Variants in NPHP3 observed in about 807,000 individuals in gnomAD.
NPHP3 encodes the protein nephrocystin 3.
Under a neutral mutation model 171.9 loss-of-function variants are expected in NPHP3, and 123 were observed. The observed-to-expected ratio is 0.72, with a 90% CI of 0.62 to 0.83. The LOEUF (loss-of-function observed/expected upper bound fraction) is 0.83, where lower values mean the gene tolerates loss of function less well. NPHP3 is among the 40% of genes least tolerant of loss of function. NPHP3 has a pLI of 0.00. For synonymous variants in NPHP3, 558 were observed against 579.2 expected (o/e 0.96, Z 0.52); for missense variants, 1,506 against 1,591.9 (o/e 0.95, Z 0.92).
chr3:132,697,080 C>CT (rs1294651798), intron 14 of NPHP3, among the ~76,000 whole-genome samples, 180 bp downstream of exon 14: 1 of 152,168 alleles, frequency 6.6e-6, no homozygotes, highest in Non-Finnish European at 1.5e-5. Context: ...AGACCAAAAT[C>CT]TTTTTATTGC....
chr3:132,695,167 T>A, intron 15 of NPHP3: 1 of 544,772 alleles, frequency 1.8e-6, no homozygotes, highest in Non-Finnish European at 3.3e-6. Flanking sequence ...TTTAATTCAG[T>A]GCAATAAACA....
In NPHP3 at chr3:132,699,394, T is replaced by TA. The variant is rs746059113; in HGVS notation, c.1943dup (p.Ile649AsnfsTer22). The TA allele has an allele frequency of 6.2e-7, 1 of 1,612,966 alleles. No individual in the cohort carries two copies. Among genetic ancestry groups the TA allele is most frequent in the Non-Finnish European group, 8.5e-7 (1 of 1,179,848 alleles). On this transcript the variant is annotated frameshift_variant, in exon 13 of 27. Coordinates refer to ENST00000337331, the MANE Select transcript of NPHP3 (RefSeq NM_153240.5). LOFTEE classifies it high-confidence loss of function. Reference sequence around the variant, plus strand: ...ATGTTTCTACATTCACAGAAACAATTACTCTTACATTCACTGGCAGTGGAT... The same window carrying TA: ...ATGTTTCTACATTCACAGAAACAATTAACTCTTACATTCACTGGCAGTGGAT...
At chr3:132,694,065 T>C (rs1939380136) in intron 16 of NPHP3, among the ~76,000 whole-genome samples, 1 of 152,028 alleles carries the variant, frequency 6.6e-6, no homozygotes, top group Admixed American at 6.5e-5. Context: ...CTACCAAAGC[T>C]TACTTTAAAG....
At position 132,681,580 on chromosome 3, in the gene NPHP3, AT is replaced by A; in HGVS notation, c.*329del. 3.2e-6 allele frequency: 1 copy of A among 311,524 alleles called. No homozygotes were observed. Among genetic ancestry groups the A allele is most frequent in the Non-Finnish European group, 6.2e-6 (1 of 161,332 alleles). The allele number at this position is 311,524 out of a possible 1,614,324, so 19.3% of individuals were successfully genotyped here. Reference sequence around the variant, plus strand: ...ACCATGCCTGGCCAAGATTCATGGAATTTTTGAACTCCTTGTCTTAACTACT... The same window carrying A: ...ACCATGCCTGGCCAAGATTCATGGAATTTTGAACTCCTTGTCTTAACTACT... On this transcript the variant is annotated 3_prime_UTR_variant, in exon 27 of 27. Coordinates refer to ENST00000337331, the MANE Select transcript of NPHP3 (RefSeq NM_153240.5).
At chr3:132,685,847 C>A (rs536750689) in intron 23 of NPHP3, 33 of 192,328 alleles carry the variant, frequency 1.7e-4, no homozygotes, top group Non-Finnish European at 3.3e-4. Flanking sequence ...GTCAGGAGAT[C>A]GAGACCATCC....
rs1313570922 is a variant in NPHP3, at chr3:132,722,359, G to A, written c.-4C>T. 9 of 1,576,224 alleles carry A rather than the reference G, an allele frequency of 5.7e-6. No homozygotes were observed. The highest frequency in any genetic ancestry group is 7.7e-6 in the Non-Finnish European group (9 of 1,170,726). ...CGAGCGACGAGGCGGTCCCCATGGC[G>A]TCCGTTGCCGCTACTACCTAGTGAG... On this transcript the variant is annotated 5_prime_UTR_variant, in exon 1 of 27. The change creates a new upstream start codon in the 5' untranslated region. Transcript: ENST00000337331.
chr3:132,700,070 T>G lies in NPHP3; in HGVS notation c.1744-9A>C. The G allele has an allele frequency of 6.2e-7, 1 of 1,613,972 alleles. No homozygotes were observed. The highest frequency in any genetic ancestry group is 1.1e-5 in the South Asian group (1 of 91,078). On this transcript the variant is annotated splice_polypyrimidine_tract_variant and intron_variant, in intron 11 of 26. Transcript: ENST00000337331. Reference sequence around the variant, plus strand: ...CAAGAGTGCTGCATCAACTACAAGATAAGAACACACACAAACTGAAGTAGT... The same window carrying G: ...CAAGAGTGCTGCATCAACTACAAGAGAAGAACACACACAAACTGAAGTAGT...
chr3:132,700,874 G>A (rs982484641), intron 10 of NPHP3, among the ~76,000 whole-genome samples: 1 of 151,600 alleles, frequency 6.6e-6, no homozygotes, highest in Non-Finnish European at 1.5e-5. Context: ...ATGAAAGAAA[G>A]AAAATATTTT....
Position 132,694,814 on chromosome 3 carries a change from T to C in NPHP3, c.2310+13A>G. The C allele has an allele frequency of 6.2e-7, 1 of 1,612,252 alleles. No individual in the cohort carries two copies. The highest frequency in any genetic ancestry group is 8.5e-7 in the Non-Finnish European group (1 of 1,179,754). On this transcript the variant is annotated intron_variant, in intron 16 of 26. Transcript: ENST00000337331. ...AAACTAACATTCCTTTTTATAAGTT[T>C]ATTACATTCTACCTGCTTCATTAGC...
At chr3:132,690,461 T>C in intron 19 of NPHP3, 67 bp downstream of exon 19, 4 of 1,481,160 alleles carry the variant, frequency 2.7e-6, no homozygotes, top group African/African-American at 2.8e-5. Flanking sequence ...ATACCATTTT[T>C]TCTTTGTTAA....
chr3:132,716,651 C>T, intron 4 of NPHP3, 106 bp downstream of exon 4: 2 of 1,274,740 alleles, frequency 1.6e-6, no homozygotes, highest in Non-Finnish European at 2.3e-6. Context: ...GCACTAGGAA[C>T]ACAAATTTCA....
Position 132,700,490 on chromosome 3 carries a change from C to A in NPHP3, c.1629-42G>T, listed in dbSNP as rs1939579721. ...GAACTTTTATAAAACCGATAAAGTT[C>A]CTTGACTGTCAATAAAAAAAGAATT... On this transcript the variant is annotated intron_variant, in intron 10 of 26. Transcript: ENST00000337331. 4.2e-6 allele frequency: 5 copies of A among 1,197,538 alleles called. No homozygotes were observed. The East Asian group carries it at 9.3e-5, about 22-fold the overall frequency. The allele number at this position is 1,197,538 out of a possible 1,614,324, so 74.2% of individuals were successfully genotyped here.
chr3:132,710,400 A>C (rs1485917568), intron 6 of NPHP3, among the ~76,000 whole-genome samples: 2 of 151,940 alleles, frequency 1.3e-5, no homozygotes, highest in African/African-American at 4.8e-5. Context: ...GAAGTCCTGA[A>C]AGGTGACTGA....
At position 132,690,662 on chromosome 3, in the gene NPHP3, G is replaced by C. The variant is rs886058003; in HGVS notation, c.2571-12C>G. The stretch of plus-strand genomic sequence containing the variant: ...TCACTCTGTCCTGACTATCAAAAGA[G>C]AGGAGACAATATTCAATATCTTCCT... On this transcript the variant is annotated splice_polypyrimidine_tract_variant and intron_variant, in intron 18 of 26. Coordinates refer to ENST00000337331, the MANE Select transcript of NPHP3 (RefSeq NM_153240.5). The C allele has an allele frequency of 6.8e-6, 11 of 1,613,420 alleles. No individual in the cohort carries two copies. Among genetic ancestry groups the C allele is most frequent in the Non-Finnish European group, 8.5e-6 (10 of 1,179,564 alleles).
chr3:132,696,497 C>G (rs910423956), intron 15 of NPHP3, among the ~76,000 whole-genome samples: 1 of 152,084 alleles, frequency 6.6e-6, no homozygotes, highest in African/African-American at 2.4e-5. Flanking sequence ...TTGCAACCTC[C>G]AATAGGGAAC....
intron 10 of NPHP3, 65 bp downstream of exon 10, chr3:132,701,365 A>G (rs1939601393): frequency 5.2e-6 from 6 of 1,145,894 alleles, no homozygotes; most frequent in African/African-American, 1.5e-5. Context: ...CATGCAATAC[A>G]TTTTGTTGAA....
At chr3:132,685,481 T>A (rs1939131758) in intron 23 of NPHP3, 3 of 152,210 alleles carry the variant, frequency 2.0e-5, no homozygotes, top group Non-Finnish European at 4.4e-5. Flanking sequence ...GTAAGTGGGC[T>A]ACAGATTTAT....
chr3:132,680,671 A>ACAAT lies in NPHP3; in HGVS notation c.*1235_*1238dup, dbSNP rs1939001160. ...TGTGGCTATTACATATTTCACTTTT[A>ACAAT]CAATCAATACATGTTAGGATCTTAC... On this transcript the variant is annotated 3_prime_UTR_variant, in exon 27 of 27. Coordinates refer to ENST00000337331, the MANE Select transcript of NPHP3 (RefSeq NM_153240.5). 6.6e-6 allele frequency: 1 copy of ACAAT among 152,214 alleles called. No individual in the cohort carries two copies. The highest frequency in any genetic ancestry group is 1.5e-5 in the Non-Finnish European group (1 of 68,034). 9.4% of individuals were successfully genotyped at this position (152,214 alleles called of 1,614,324 possible).
At chr3:132,706,229 G>A (rs540871772) in intron 7 of NPHP3, among the ~76,000 whole-genome samples, 62 of 151,894 alleles carry the variant, frequency 4.1e-4, no homozygotes, top group African/African-American at 1.3e-3. Flanking sequence ...CGTGGTGGCC[G>A]GTGCCTGTAG....
Sources: allele counts gnomAD v4.1 joint callset (sites outside exome capture counted in the v4.1 genomes callset), GRCh38; gene constraint gnomAD v4.1.1; transcripts MANE v1.5; gene names NCBI Gene and HGNC (gene_info 2026-07-23, HGNC 2026-07-21).